Variants in TRIO observed in about 807,000 individuals in gnomAD.
The protein encoded by TRIO is trio Rho guanine nucleotide exchange factor.
In TRIO, 58 loss-of-function variants were observed where a neutral mutation model predicts 351.9. That is an observed-to-expected ratio of 0.16 (90% CI 0.13 to 0.21). The LOEUF (loss-of-function observed/expected upper bound fraction) is 0.21. Ranked by LOEUF, TRIO falls within the 10% of genes least tolerant of loss-of-function variation. The probability of loss-of-function intolerance (pLI) is 1.00; values close to 1 mark genes in which losing one functional copy is unlikely to be tolerated. For missense variants in TRIO, 3,201 were observed against 4,027.8 expected (o/e 0.79, Z 5.56); for synonymous variants, 1,758 against 1,595.7 (o/e 1.10, Z -2.42).
intron 11 of TRIO, among the ~76,000 whole-genome samples, chr5:14,341,460 C>A (rs1018383475): frequency 1.3e-5 from 2 of 152,206 alleles, no homozygotes; most frequent in Admixed American, 6.5e-5. Context: ...CCATGTCTCA[C>A]TTACCTTTGT....
At chr5:14,170,440 T>G (rs777733312) in intron 1 of TRIO, among the ~76,000 whole-genome samples, 1 of 152,254 alleles carries the variant, frequency 6.6e-6, no homozygotes, top group Non-Finnish European at 1.5e-5. Flanking sequence ...TGATTCTTAT[T>G]CATGCATTGA....
At chr5:14,438,387 G>A (rs552693884) in intron 34 of TRIO, among the ~76,000 whole-genome samples, 1 of 152,328 alleles carries the variant, frequency 6.6e-6, no homozygotes, top group South Asian at 2.1e-4. Flanking sequence ...TGAGGTTTAA[G>A]ACTCAAAGCT....
At chr5:14,208,970 G>T (rs1791710777) in intron 1 of TRIO, among the ~76,000 whole-genome samples, 1 of 152,252 alleles carries the variant, frequency 6.6e-6, no homozygotes, top group South Asian at 2.1e-4. Flanking sequence ...GGATTGTGAT[G>T]CTGGTTGTGC....
At chr5:14,488,983 CCT>C (rs1414357218) in intron 48 of TRIO, 2 of 764,948 alleles carry the variant, frequency 2.6e-6, no homozygotes, top group East Asian at 2.4e-5. Context: ...GTGGGTTTTC[CCT>C]CTGTTTCCTG....
intron 34 of TRIO, among the ~76,000 whole-genome samples, chr5:14,428,466 C>G (rs879520075): frequency 1.3e-5 from 2 of 152,018 alleles, no homozygotes; most frequent in Non-Finnish European, 2.9e-5. Context: ...GGAAGAAAGA[C>G]CAAAGAACAT....
At chr5:14,264,074 T>C (rs753986448) in intron 1 of TRIO, among the ~76,000 whole-genome samples, 2 of 152,224 alleles carry the variant, frequency 1.3e-5, no homozygotes, top group Non-Finnish European at 2.9e-5. Context: ...TCTGTGATGC[T>C]TTTAAATTAA....
intron 1 of TRIO, among the ~76,000 whole-genome samples, chr5:14,209,600 T>G (rs371301185): frequency 6.6e-6 from 1 of 152,238 alleles, no homozygotes; most frequent in Non-Finnish European, 1.5e-5. Context: ...TTGACTCTTC[T>G]GTATGGCCTT....
At chr5:14,394,274 C>A in intron 28 of TRIO, 144 bp downstream of exon 28, 1 of 564,640 alleles carries the variant, frequency 1.8e-6, no homozygotes, top group Non-Finnish European at 3.1e-6. Flanking sequence ...TATTTATTGA[C>A]CTGCCTAATT....
intron 2 of TRIO, among the ~76,000 whole-genome samples, chr5:14,273,316 C>T (rs919491919): frequency 3.9e-5 from 6 of 152,172 alleles, no homozygotes; most frequent in Non-Finnish European, 7.3e-5. Context: ...TGATAAACCC[C>T]GTGATAATTT....
chr5:14,277,851 C>G lies in TRIO; in HGVS notation c.233-2471C>G, dbSNP rs115551652. Among the ~76,000 whole-genome samples, 480 of 152,294 alleles carry G rather than the reference C, an allele frequency of 3.2e-3. 2 individuals carry two copies. The highest frequency in any genetic ancestry group is 0.011 in the African/African-American group (466 of 41,566). ...TCCTTTCTAAGATTTTTTCTTCATA[C>G]CTCCCTGAGGAGGAGTCAGCAGAAA... On this transcript the variant is annotated intron_variant, in intron 2 of 56. Transcript: ENST00000344204.
chr5:14,492,987 C>G (rs1406503104), intron 49 of TRIO, among the ~76,000 whole-genome samples, 173 bp downstream of exon 49: 1 of 152,242 alleles, frequency 6.6e-6, no homozygotes, highest in African/African-American at 2.4e-5. Flanking sequence ...CCATCTCACA[C>G]ACTCAGACTC....
At position 14,485,332 on chromosome 5, in the gene TRIO, A is replaced by G. The variant is rs909246954; in HGVS notation, c.6835+86A>G. ...TCTTCCCTCTCCCATTCATATCCAT[A>G]GTAATGACAGAACTTAGCACTCACC... is the stretch of plus-strand genomic sequence containing the variant. On this transcript the variant is annotated intron_variant, in intron 47 of 56. Transcript: ENST00000344204. The G allele has an allele frequency of 2.1e-6, 3 of 1,404,028 alleles. No individual in the cohort carries two copies. The African/African-American group carries it at 4.3e-5, about 20-fold the overall frequency. The allele number at this position is 1,404,028 out of a possible 1,614,324, so 87.0% of individuals were successfully genotyped here. A position where few individuals can be genotyped will look rare whatever the true frequency, so the allele number is the denominator to read the frequency against.
chr5:14,398,833 T>G, intron 29 of TRIO, 47 bp from the exon 30 acceptor site: 1 of 1,534,444 alleles, frequency 6.5e-7, no homozygotes, highest in Non-Finnish European at 8.8e-7. Context: ...TGCATCAGTT[T>G]TTATTTTTCT....
intron 1 of TRIO, among the ~76,000 whole-genome samples, chr5:14,180,936 A>G (rs1287539894): frequency 6.6e-6 from 1 of 152,174 alleles, no homozygotes; most frequent in Non-Finnish European, 1.5e-5. Context: ...TGTATATACT[A>G]AAATATTTAA....
At chr5:14,192,855 A>G (rs1790539666) in intron 1 of TRIO, among the ~76,000 whole-genome samples, 1 of 152,220 alleles carries the variant, frequency 6.6e-6, no homozygotes, top group Non-Finnish European at 1.5e-5. Flanking sequence ...AATTTTTATG[A>G]TGATTTACAA....
At chr5:14,473,412 A>T (rs527951603) in intron 39 of TRIO, among the ~76,000 whole-genome samples, 1 of 152,356 alleles carries the variant, frequency 6.6e-6, no homozygotes, top group African/African-American at 2.4e-5. Context: ...AACACAAAAG[A>T]TTTAACATGC....
chr5:14,222,973 A>G (rs533694140), intron 1 of TRIO, among the ~76,000 whole-genome samples: 1 of 152,334 alleles, frequency 6.6e-6, no homozygotes, highest in Non-Finnish European at 1.5e-5. Context: ...AAAAATAAAT[A>G]GGATTGTTGA....
intron 49 of TRIO, among the ~76,000 whole-genome samples, chr5:14,494,302 T>C (rs766014798): frequency 3.9e-5 from 6 of 152,226 alleles, no homozygotes; most frequent in Non-Finnish European, 8.8e-5. Context: ...CCTGCTGTGG[T>C]AGAGGCATCT....
chr5:14,196,469 G>A (rs777215915), intron 1 of TRIO, among the ~76,000 whole-genome samples: 11 of 149,368 alleles, frequency 7.4e-5, no homozygotes, highest in Middle Eastern at 3.5e-3. Flanking sequence ...TGGAAATCAC[G>A]TACCTCTAAG....
Sources: allele counts gnomAD v4.1 joint callset (sites outside exome capture counted in the v4.1 genomes callset), GRCh38; gene constraint gnomAD v4.1.1; transcripts MANE v1.5; gene names NCBI Gene and HGNC (gene_info 2026-07-23, HGNC 2026-07-21).